The following CFAP57 variants were observed in gnomAD, a reference collection of about 807,000 sequenced individuals.
The protein encoded by CFAP57 is cilia- and flagella-associated protein 57.
A neutral mutation model predicts 146.8 loss-of-function variants in CFAP57; 116 were observed. The ratio of observed to expected loss-of-function variants is 0.79; its 90% CI spans 0.68 to 0.92. The LOEUF (loss-of-function observed/expected upper bound fraction) is 0.92, where lower values mean the gene tolerates loss of function less well. CFAP57 is among the 40% of genes least tolerant of loss of function. CFAP57 has a pLI of 0.00. For missense variants in CFAP57, 1,377 were observed against 1,527.2 expected, an observed-to-expected ratio of 0.90 and a Z score of 1.64; for synonymous variants, 518 against 552.8, an observed-to-expected ratio of 0.94 and a Z score of 0.88.
At chr1:43,223,148 C>T (rs1325947365) in intron 16 of CFAP57, among the ~76,000 whole-genome samples, 151 bp downstream of exon 16, 2 of 152,194 alleles carry the variant, frequency 1.3e-5, no homozygotes, top group Non-Finnish European at 2.9e-5. Context: ...CCAGCCAGTG[C>T]ACCCTCACGC....
intron 21 of CFAP57, among the ~76,000 whole-genome samples, chr1:43,239,218 T>C (rs770895359): frequency 1.3e-5 from 2 of 148,394 alleles, no homozygotes; most frequent in Non-Finnish European, 3.0e-5. Flanking sequence ...AGATTACTTT[T>C]CTTACATGAA....
chr1:43,219,611 T>A, intron 13 of CFAP57, 74 bp downstream of exon 13: 1 of 1,487,884 alleles, frequency 6.7e-7, no homozygotes, highest in East Asian at 2.5e-5. Context: ...TGGCATATAC[T>A]GCCCAAGCTA....
At chr1:43,206,432 C>A in intron 9 of CFAP57, 1 of 354,542 alleles carries the variant, frequency 2.8e-6, no homozygotes, top group African/African-American at 2.0e-5. Context: ...TTTGAAAAAA[C>A]AGCAATAATT....
intron 17 of CFAP57, among the ~76,000 whole-genome samples, chr1:43,225,031 G>T (rs1645191827): frequency 2.0e-5 from 3 of 152,116 alleles, no homozygotes; most frequent in African/African-American, 7.2e-5. Context: ...GCATGTGAGT[G>T]TCGGTGTACA....
intron 12 of CFAP57, among the ~76,000 whole-genome samples, chr1:43,217,793 G>C (rs763242763): frequency 6.6e-6 from 1 of 152,126 alleles, no homozygotes; most frequent in Non-Finnish European, 1.5e-5. Flanking sequence ...CGCCATTGGA[G>C]AGATCTTTAT....
chr1:43,219,338 C>T (rs1644956524), intron 12 of CFAP57, 44 bp from the exon 13 acceptor site: 2 of 1,530,386 alleles, frequency 1.3e-6, no homozygotes, highest in Non-Finnish European at 1.8e-6. Context: ...TTCTGAGTCA[C>T]CCTTACTGTC....
intron 9 of CFAP57, among the ~76,000 whole-genome samples, chr1:43,204,209 T>A (rs1570060266): frequency 1.3e-5 from 2 of 152,220 alleles, no homozygotes; most frequent in African/African-American, 4.8e-5. Context: ...ATTATATTCT[T>A]TATTTGATGA....
rs1362653444 is a variant in CFAP57 at position 43,219,534 on chromosome 1, C to A, written c.2244C>A (p.Asn748Lys). The A allele has an allele frequency of 6.4e-7, 1 of 1,550,430 alleles. No homozygotes were observed. Among genetic ancestry groups the A allele is most frequent in the African/African-American group, 1.4e-5 (1 of 73,156 alleles). ...AAATGGAGTCCTTGAAAACAAAAAA[C>A]CAGGTCTGTTTAAGAGACTGACCAA... Reference protein sequence around the residue: ...IQEMESLKTKNQVLRTEKEKQ... With the variant: ...IQEMESLKTKKQVLRTEKEKQ... Residue 748 changes from asparagine to lysine, a missense_variant, in exon 13 of 23, where the codon AAC (asparagine) becomes AAA (lysine). Coordinates refer to ENST00000372492, the MANE Select transcript of CFAP57 (RefSeq NM_001378189.1).
chr1:43,189,258 C>T (rs1005447308), intron 6 of CFAP57, among the ~76,000 whole-genome samples: 6 of 152,190 alleles, frequency 3.9e-5, no homozygotes, highest in South Asian at 2.1e-4. Flanking sequence ...ATTTTACAGT[C>T]AGCTTTTCAA....
At chr1:43,239,321 C>T (rs1645819805) in intron 21 of CFAP57, among the ~76,000 whole-genome samples, 1 of 152,176 alleles carries the variant, frequency 6.6e-6, no homozygotes, top group African/African-American at 2.4e-5. Flanking sequence ...AGGATCAAGC[C>T]CTGGAGACCC....
intron 11 of CFAP57, among the ~76,000 whole-genome samples, chr1:43,212,182 T>G (rs1357186354): frequency 6.6e-6 from 1 of 152,150 alleles, no homozygotes; most frequent in Non-Finnish European, 1.5e-5. Flanking sequence ...TGTATGTAGT[T>G]CTGAATTATT....
intron 12 of CFAP57, among the ~76,000 whole-genome samples, chr1:43,217,309 A>T (rs642916): frequency 0.83 from 125,806 of 152,120 alleles, 53,976 homozygotes; most frequent in East Asian, 1. Flanking sequence ...CTCGGAGAGA[A>T]TAATCTGCAG....
intron 22 of CFAP57, among the ~76,000 whole-genome samples, chr1:43,247,489 C>T (rs1266036629): frequency 6.6e-6 from 1 of 152,122 alleles, no homozygotes; most frequent in African/African-American, 2.4e-5. Context: ...TAGTGTGAAG[C>T]AATACAGGCA....
chr1:43,173,452 A>T (rs1306905173), intron 2 of CFAP57, among the ~76,000 whole-genome samples: 1 of 152,214 alleles, frequency 6.6e-6, no homozygotes, highest in African/African-American at 2.4e-5. Flanking sequence ...TGACATATAC[A>T]TACAAAAGAA....
At position 43,234,312 on chromosome 1, in the gene CFAP57, A is replaced by G. The variant is rs1030316912; in HGVS notation, c.3160A>G (p.Lys1054Glu). ...RDLEALVKRF[K>E]TDLHNCVAYI... ...CTTGGAAGCGCTGGTCAAAAGGTTT[A>G]AAACAGACCTCCACAACTGCGTAGC... is the stretch of plus-strand genomic sequence containing the variant. The change falls in exon 20 of 23, where the codon AAA (lysine) becomes GAA (glutamate). Residue 1054 changes from lysine (K) to glutamate (E), a missense_variant. Transcript: ENST00000372492. The G allele has an allele frequency of 7.7e-6, 12 of 1,549,708 alleles. No individual in the cohort carries two copies. The highest frequency in any genetic ancestry group is 3.9e-5 in the Admixed American group (2 of 50,820).
At chr1:43,208,538 G>A (rs939788170) in intron 10 of CFAP57, among the ~76,000 whole-genome samples, 1 of 152,118 alleles carries the variant, frequency 6.6e-6, no homozygotes, top group Non-Finnish European at 1.5e-5. Flanking sequence ...GCAAACTATC[G>A]CAAGGACAGA....
At chr1:43,246,850 A>T (rs927866043) in intron 22 of CFAP57, among the ~76,000 whole-genome samples, 1 of 152,212 alleles carries the variant, frequency 6.6e-6, no homozygotes, top group Non-Finnish European at 1.5e-5. Context: ...AATTACTAGA[A>T]AGTCTCACCT....
In CFAP57 at chr1:43,183,768, G is replaced by T. The variant is rs1176199861; in HGVS notation, c.652G>T (p.Gly218Cys). Residue 218 changes from glycine to cysteine, a missense_variant, in exon 4 of 23, where the codon GGC (glycine) becomes TGC (cysteine). Coordinates refer to ENST00000372492, the MANE Select transcript of CFAP57 (RefSeq NM_001378189.1). ...CAAGATTGTCGTTGGCACTGACACA[G>T]GCAAACTCTTCCTCTTTGAATCTGG... ...DDKIVVGTDT[G>C]KLFLFESGDQ... 3.1e-6 allele frequency: 5 copies of T among 1,614,090 alleles called. No homozygotes were observed. The highest frequency in any genetic ancestry group is 3.4e-6 in the Non-Finnish European group (4 of 1,180,046).
At chr1:43,211,065 A>C (rs950876177) in intron 11 of CFAP57, among the ~76,000 whole-genome samples, 1 of 151,896 alleles carries the variant, frequency 6.6e-6, no homozygotes, top group African/African-American at 2.4e-5. Context: ...TGAGGTTTTG[A>C]GTTATATCCC....
Sources: allele counts gnomAD v4.1 joint callset (sites outside exome capture counted in the v4.1 genomes callset), GRCh38; gene constraint gnomAD v4.1.1; transcripts MANE v1.5; gene names NCBI Gene and HGNC (gene_info 2026-07-23, HGNC 2026-07-21).